The following CSMD1 variants were observed in gnomAD, a reference collection of about 807,000 sequenced individuals.
CSMD1 encodes CUB and sushi domain-containing protein 1.
In CSMD1, 213 loss-of-function variants were observed where a neutral mutation model predicts 417.5. The observed-to-expected ratio is 0.51, with a 90% CI of 0.46 to 0.57. The LOEUF (loss-of-function observed/expected upper bound fraction) is 0.57, where lower values mean the gene tolerates loss of function less well. Among genes scored for constraint, CSMD1 ranks in the 20% least tolerant of loss-of-function variants. The probability of loss-of-function intolerance (pLI) is 0.00; values close to 1 mark genes in which losing one functional copy is unlikely to be tolerated. For missense variants in CSMD1, 6,923 were observed against 4,529.7 expected (o/e 1.53, Z -15.17); for synonymous variants, 2,862 against 1,736.8 (o/e 1.65, Z -16.11).
intron 20 of CSMD1, among the ~76,000 whole-genome samples, chr8:3,364,468 T>C (rs868768750): frequency 2.8e-4 from 42 of 152,290 alleles, no homozygotes; most frequent in African/African-American, 8.4e-4. Context: ...GAGTATTTTA[T>C]TGTTGTTGGC....
rs146982407 is a variant in CSMD1 at position 3,726,870 on chromosome 8, T to C, written c.932-18379A>G. On this transcript the variant is annotated intron_variant, in intron 6 of 69. Coordinates refer to ENST00000635120, the MANE Select transcript of CSMD1 (RefSeq NM_033225.6). Reference sequence around the variant, plus strand: ...CAATGTCTCCCTGCCCAAAGATAGATTTCCTGTCCCGTTAAAAAACATGAG... The same window carrying C: ...CAATGTCTCCCTGCCCAAAGATAGACTTCCTGTCCCGTTAAAAAACATGAG... 1.7e-3 allele frequency among the ~76,000 whole-genome samples: 263 copies of C among 152,296 alleles called. 2 individuals are homozygous for C. The highest frequency in any genetic ancestry group is 5.8e-3 in the African/African-American group (242 of 41,576).
At position 4,860,905 on chromosome 8, in the gene CSMD1, A is replaced by G. The variant is rs535472911; in HGVS notation, c.85+133427T>C. The stretch of plus-strand genomic sequence containing the variant: ...TAGAGAAACCTTCCTCTGACTCTAC[A>G]TAGTGAATCTCTGTTCATCCCTCAA... On this transcript the variant is annotated intron_variant, in intron 1 of 69. Transcript: ENST00000635120. Among the ~76,000 whole-genome samples the G allele has an allele frequency of 2.6e-5, 4 of 152,184 alleles. No individual in the cohort carries two copies. In the South Asian group the frequency reaches 8.3e-4, roughly 32 times the overall value.
At chr8:4,397,891 G>A (rs1804365504) in intron 3 of CSMD1, among the ~76,000 whole-genome samples, 1 of 151,952 alleles carries the variant, frequency 6.6e-6, no homozygotes, top group Non-Finnish European at 1.5e-5. Flanking sequence ...TGTTCTAATG[G>A]CTCCAATTGT....
intron 52 of CSMD1, among the ~76,000 whole-genome samples, chr8:3,014,232 T>C (rs1278794576): frequency 6.6e-6 from 1 of 150,876 alleles, no homozygotes; most frequent in South Asian, 2.1e-4. Flanking sequence ...CTTATGAATA[T>C]CCATCTCATA....
At chr8:4,661,808 T>C (rs1053323686) in intron 1 of CSMD1, among the ~76,000 whole-genome samples, 1 of 152,210 alleles carries the variant, frequency 6.6e-6, no homozygotes, top group East Asian at 1.9e-4. Context: ...ACGGTTAGCA[T>C]GAAGAATATG....
At chr8:4,189,958 G>C (rs1034957040) in intron 3 of CSMD1, among the ~76,000 whole-genome samples, 4 of 151,766 alleles carry the variant, frequency 2.6e-5, no homozygotes, top group Non-Finnish European at 4.4e-5. Context: ...GCATAGTGTA[G>C]TGCTTAAAAG....
At chr8:4,074,782 C>G (rs987178347) in intron 3 of CSMD1, among the ~76,000 whole-genome samples, 2 of 152,022 alleles carry the variant, frequency 1.3e-5, no homozygotes, top group African/African-American at 4.8e-5. Flanking sequence ...AAGTAGTTCT[C>G]TTTAGTTATG....
chr8:4,306,574 C>T (rs919523093), intron 3 of CSMD1, among the ~76,000 whole-genome samples: 12 of 152,100 alleles, frequency 7.9e-5, no homozygotes, highest in African/African-American at 2.4e-4. Context: ...GCTCCCTGCC[C>T]ATGGTGTATT....
intron 3 of CSMD1, among the ~76,000 whole-genome samples, chr8:4,369,409 T>G (rs1802274475): frequency 6.6e-6 from 1 of 152,206 alleles, no homozygotes; most frequent in Non-Finnish European, 1.5e-5. Flanking sequence ...AAGAAGAAAG[T>G]ATATTCTATC....
At chr8:4,148,808 G>A (rs1796419501) in intron 3 of CSMD1, among the ~76,000 whole-genome samples, 3 of 152,306 alleles carry the variant, frequency 2.0e-5, no homozygotes, top group African/African-American at 7.2e-5. Flanking sequence ...GGGAAGGGAT[G>A]TCATGATTCA....
At chr8:4,331,880 G>A (rs2128890971) in intron 3 of CSMD1, among the ~76,000 whole-genome samples, 1 of 152,120 alleles carries the variant, frequency 6.6e-6, no homozygotes, top group Non-Finnish European at 1.5e-5. Flanking sequence ...ATAATACATA[G>A]CTAGAGAGTT....
At chr8:3,885,794 T>G (rs1052123455) in intron 5 of CSMD1, among the ~76,000 whole-genome samples, 2 of 152,150 alleles carry the variant, frequency 1.3e-5, no homozygotes, top group African/African-American at 4.8e-5. Context: ...AAAGCTGACT[T>G]TCTTAAACAA....
chr8:3,564,742 C>G (rs1180772442), intron 10 of CSMD1, among the ~76,000 whole-genome samples: 1 of 132,674 alleles, frequency 7.5e-6, no homozygotes, highest in African/African-American at 3.0e-5. Context: ...ACCAACCAAA[C>G]ACACAAAAAA....
intron 3 of CSMD1, among the ~76,000 whole-genome samples, chr8:4,262,955 C>A (rs1803987874): frequency 6.6e-6 from 1 of 152,164 alleles, no homozygotes; most frequent in African/African-American, 2.4e-5. Flanking sequence ...GCCAAGGAAA[C>A]TGAGTCTCCA....
intron 5 of CSMD1, among the ~76,000 whole-genome samples, chr8:3,836,163 G>C (rs760659531): frequency 3.9e-5 from 6 of 151,912 alleles, no homozygotes; most frequent in Non-Finnish European, 7.4e-5. Context: ...TATATTCATT[G>C]TCTCAGTTTA....
At chr8:3,994,447 G>GAAAAAAAA (rs56184992) in intron 5 of CSMD1, among the ~76,000 whole-genome samples, 3 of 119,150 alleles carry the variant, frequency 2.5e-5, no homozygotes, top group Non-Finnish European at 1.8e-5. Flanking sequence ...AATCTCTTCA[G>GAAAAAAAA]AAAAAAAAAA....
intron 2 of CSMD1, among the ~76,000 whole-genome samples, chr8:4,458,112 G>T (rs1462055845): frequency 6.6e-6 from 1 of 151,502 alleles, no homozygotes; most frequent in Non-Finnish European, 1.5e-5. Context: ...TTCTTTACAT[G>T]AAACTTTCTG....
chr8:4,517,920 A>G (rs1435828061), intron 2 of CSMD1, among the ~76,000 whole-genome samples: 1 of 152,244 alleles, frequency 6.6e-6, no homozygotes, highest in Non-Finnish European at 1.5e-5. Context: ...CTAAGAGTAC[A>G]TATGACATTT....
At chr8:4,148,532 G>T (rs75586689) in intron 3 of CSMD1, among the ~76,000 whole-genome samples, 1 of 150,906 alleles carries the variant, frequency 6.6e-6, no homozygotes, top group African/African-American at 2.4e-5. Flanking sequence ...AAAAAAAAAC[G>T]CATTGGCTAC....
Sources: gnomAD v4.1 joint callset for allele counts (sites outside exome capture counted in the v4.1 genomes callset) on GRCh38, gnomAD v4.1.1 for gene constraint, MANE v1.5 for transcripts, NCBI Gene and HGNC (gene_info 2026-07-23, HGNC 2026-07-21) for gene names.